Variants in SLC16A8 observed in about 807,000 individuals in gnomAD.
The protein encoded by SLC16A8 is monocarboxylate transporter 3.
A neutral mutation model predicts 22.4 loss-of-function variants in SLC16A8; 20 were observed. That is an observed-to-expected ratio of 0.89 (90% CI 0.63 to 1.30). SLC16A8 has a LOEUF of 1.30. SLC16A8 is among the 50% of genes most tolerant of loss of function. The probability of loss-of-function intolerance (pLI) is 0.00; values close to 1 mark genes in which losing one functional copy is unlikely to be tolerated. For synonymous variants in SLC16A8, 393 were observed against 358.8 expected (o/e 1.10, Z -1.08); for missense variants, 817 against 740.3 (o/e 1.10, Z -1.20).
chr22:38,083,707 C>T (rs1250100510), intron 1 of SLC16A8, among the ~76,000 whole-genome samples: 2 of 129,668 alleles, frequency 1.5e-5, no homozygotes, highest in East Asian at 2.1e-4. Context: ...CACCCGGGGC[C>T]CTCACAGCAG....
chr22:38,080,952 C>T lies in SLC16A8; in HGVS notation c.1086G>A (p.Ala362=), dbSNP rs1300904216. Residue 362 remains alanine, a synonymous_variant, in exon 5 of 6, where the codon GCG becomes GCA. Transcript: ENST00000681075. ...CCGCCATGAGCACCTCGAACTGCAG[C>T]GCGCCCACCATGCCGTAGGAGAGGC... The part of the protein sequence containing the change: ...AFGLSYGMVG[A]LQFEVLMAAV... 1.2e-5 allele frequency: 19 copies of T among 1,590,530 alleles called. No individual in the cohort carries two copies. Among genetic ancestry groups the T allele is most frequent in the Non-Finnish European group, 1.4e-5 (17 of 1,174,148 alleles).
In SLC16A8 at chr22:38,078,262, C is replaced by T. The variant is rs1249510597; in HGVS notation, c.*126G>A. ...GGCAGTTCCCAGACACCCAGGGGAT[C>T]AACTGGAGCCCAGACGTGGACCCCG... On this transcript the variant is annotated 3_prime_UTR_variant, in exon 6 of 6. Transcript: ENST00000681075. 4 of 886,040 alleles carry T rather than the reference C, an allele frequency of 4.5e-6. No homozygotes were observed. Among genetic ancestry groups the T allele is most frequent in the Non-Finnish European group, 6.9e-6 (4 of 576,174 alleles). 54.9% of individuals were successfully genotyped at this position (886,040 alleles called of 1,614,324 possible). A position where few individuals can be genotyped will look rare whatever the true frequency, so the allele number is the denominator to read the frequency against.
intron 5 of SLC16A8, 84 bp from the exon 6 acceptor site, chr22:38,078,788 GT>G: frequency 7.8e-7 from 1 of 1,282,474 alleles, no homozygotes; most frequent in Non-Finnish European, 1.1e-6. Flanking sequence ...GTCAAGGGTG[GT>G]GCCACTGACT....
intron 3 of SLC16A8, 108 bp downstream of exon 3, chr22:38,082,552 C>A: frequency 1.1e-6 from 1 of 950,040 alleles, no homozygotes; most frequent in Non-Finnish European, 1.5e-6. Context: ...CAGGAAGGGA[C>A]TTCGGGGGCC....
Position 38,082,784 on chromosome 22 carries a change from G to A in SLC16A8, c.90C>T (p.Gly30=). 6.3e-7 allele frequency: 1 copy of A among 1,596,832 alleles called. No homozygotes were observed. Among genetic ancestry groups the A allele is most frequent in the Non-Finnish European group, 8.5e-7 (1 of 1,174,962 alleles). ...CGGCTTTGGGGAAGCCGTAGGCGAAGCCGGTGACCACAAAGCAGGCGCCCA... is the reference window on the plus strand; with the variant it reads ...CGGCTTTGGGGAAGCCGTAGGCGAAACCGGTGACCACAAAGCAGGCGCCCA... ...VVLGACFVVT[G]FAYGFPKAVS... is the part of the protein sequence containing the mutation. The change falls in exon 3 of 6, where the codon GGC becomes GGT. Residue 30 remains glycine, a synonymous_variant. Coordinates refer to ENST00000681075, the MANE Select transcript of SLC16A8 (RefSeq NM_013356.3).
Position 38,082,811 on chromosome 22 carries a change from C to T in SLC16A8, c.63G>A (p.Val21=), listed in dbSNP as rs765438657. Residue 21 remains valine, a synonymous_variant, in exon 3 of 6, where the codon GTG becomes GTA. Coordinates refer to ENST00000681075, the MANE Select transcript of SLC16A8 (RefSeq NM_013356.3). ...CGGTGACCACAAAGCAGGCGCCCAG[C>T]ACCACCCAGCCCCAGCCGCCGTCTG... is the stretch of plus-strand genomic sequence containing the variant. ...GPPDGGWGWV[V]LGACFVVTGF... The T allele has an allele frequency of 6.3e-7, 1 of 1,589,196 alleles. No individual in the cohort carries two copies. The highest frequency in any genetic ancestry group is 1.8e-5 in the Admixed American group (1 of 56,070).
chr22:38,081,367 C>G lies in SLC16A8; in HGVS notation c.671G>C (p.Gly224Ala). The part of the protein sequence containing the change: ...GDAPGEAEAD[G>A]AGLQLREASP... ...TGCCTCGCGCAGCTGCAGCCCCGCA[C>G]CGTCAGCCTCCGCCTCGCCCGGAGC... is the stretch of plus-strand genomic sequence containing the variant. The change falls in exon 5 of 6, where the codon GGT becomes GCT. Residue 224 changes from glycine (G) to alanine (A), a missense_variant. Transcript: ENST00000681075. The G allele has an allele frequency of 2.8e-6, 4 of 1,429,318 alleles. No individual in the cohort carries two copies. Among genetic ancestry groups the G allele is most frequent in the Non-Finnish European group, 3.7e-6 (4 of 1,095,638 alleles). 88.5% of individuals were successfully genotyped at this position (1,429,318 alleles called of 1,614,324 possible).
In SLC16A8 at chr22:38,080,882, G is replaced by A. The variant is rs758613374; in HGVS notation, c.1156C>T (p.Leu386Phe). The change falls in exon 5 of 6, where the codon CTC becomes TTC. Residue 386 changes from leucine to phenylalanine, a missense_variant. Leu to Phe is a conservative substitution (Grantham distance 22). Transcript: ENST00000681075. ...RFPSALGLVLLVEAAAVLIGP... is the reference protein window; with the variant it reads ...RFPSALGLVLFVEAAAVLIGP... ...ATGAGCACAGCCGCGGCCTCCACGA[G>A]CAACACCAGGCCCAGCGCACTGGGG... 1 of 1,552,942 alleles carries A rather than the reference G, an allele frequency of 6.4e-7. No homozygotes were observed. The highest frequency in any genetic ancestry group is 1.2e-5 in the South Asian group (1 of 85,086).
rs758378855 is a variant in SLC16A8, at chr22:38,078,435, C to T, written c.1468G>A (p.Glu490Lys). The stretch of plus-strand genomic sequence containing the variant: ...CTCGGCCTCGCCTCTATTTCTGGTT[C>T]TGTGGGCTCGCCCCGGGCGCTGAGC... ...EVLSARGEPT[E>K]PEIEARPRLA... The change falls in exon 6 of 6, where the codon GAA (glutamate) becomes AAA (lysine). Residue 490 changes from glutamate to lysine, a missense_variant. Glu to Lys is a moderately conservative substitution (Grantham distance 56). Coordinates refer to ENST00000681075, the MANE Select transcript of SLC16A8 (RefSeq NM_013356.3). The T allele has an allele frequency of 2.5e-6, 4 of 1,611,196 alleles. No homozygotes were observed. The South Asian group carries it at 3.3e-5, about 13-fold the overall frequency.
At chr22:38,079,414 G>T (rs1029214253) in intron 5 of SLC16A8, among the ~76,000 whole-genome samples, 27 of 151,980 alleles carry the variant, frequency 1.8e-4, no homozygotes, top group African/African-American at 6.5e-4. Context: ...ACTGCACCTG[G>T]CTTCAGGAAT....
rs1269330265 is a variant in SLC16A8 at position 38,080,963 on chromosome 22, T to C, written c.1075A>G (p.Met359Val). Residue 359 changes from methionine to valine, a missense_variant, in exon 5 of 6, where the codon ATG (methionine) becomes GTG (valine). Physicochemically the swap from Met to Val is conservative, Grantham distance 21 (BLOSUM62 1). Coordinates refer to ENST00000681075, the MANE Select transcript of SLC16A8 (RefSeq NM_013356.3). Reference protein sequence around the residue: ...FCVAFGLSYGMVGALQFEVLM... With the variant: ...FCVAFGLSYGVVGALQFEVLM... Reference sequence around the variant, plus strand: ...ACCTCGAACTGCAGCGCGCCCACCATGCCGTAGGAGAGGCCGAAGGCGACG... The same window carrying C: ...ACCTCGAACTGCAGCGCGCCCACCACGCCGTAGGAGAGGCCGAAGGCGACG... The C allele has an allele frequency of 5.0e-6, 8 of 1,595,620 alleles. No individual in the cohort carries two copies. The highest frequency in any genetic ancestry group is 3.4e-5 in the Admixed American group (2 of 58,258).
rs777824611 is a variant in SLC16A8, at chr22:38,084,102, C to G, written c.-443G>C. On this transcript the variant is annotated 5_prime_UTR_variant, in exon 1 of 6. Coordinates refer to ENST00000681075, the MANE Select transcript of SLC16A8 (RefSeq NM_013356.3). ...ACCCGGATGGGGGCTGCCAGACACC[C>G]CAGCTTCCCACCAGCCTGGGCTGAG... 1 of 152,530 alleles carries G rather than the reference C, an allele frequency of 6.6e-6. No homozygotes were observed. Among genetic ancestry groups the G allele is most frequent in the Non-Finnish European group, 1.5e-5 (1 of 68,330 alleles). The allele number at this position is 152,530 out of a possible 1,614,324, so 9.4% of individuals were successfully genotyped here. A position where few individuals can be genotyped will look rare whatever the true frequency, so the allele number is the denominator to read the frequency against.
In SLC16A8 at chr22:38,082,700, G is replaced by A. The variant is rs1423460100; in HGVS notation, c.174C>T (p.Ala58=). The A allele has an allele frequency of 6.3e-7, 1 of 1,590,110 alleles. No homozygotes were observed. The highest frequency in any genetic ancestry group is 1.8e-5 in the Admixed American group (1 of 56,368). ...RDFDAGYSDT[A]WVSSIMLAML... ...TGGCTAGCATGATGGAGGACACCCA[G>A]GCCGTGTCGCTGTAGCCGGCGTCGA... The change falls in exon 3 of 6, where the codon GCC becomes GCT. Residue 58 remains alanine, a synonymous_variant. Coordinates refer to ENST00000681075, the MANE Select transcript of SLC16A8 (RefSeq NM_013356.3).
At position 38,081,188 on chromosome 22, in the gene SLC16A8, G is replaced by A. The variant is rs865913368; in HGVS notation, c.850C>T (p.Pro284Ser). 1.3e-6 allele frequency: 2 copies of A among 1,556,438 alleles called. No individual in the cohort carries two copies. The highest frequency in any genetic ancestry group is 1.2e-5 in the South Asian group (1 of 84,724). ...LVNYAKDAGV[P>S]DTDAAFLLSI... ...AGCAGGAAGGCGGCGTCGGTGTCGG[G>A]CACGCCCGCGTCCTTGGCGTAGTTC... The change falls in exon 5 of 6, where the codon CCC becomes TCC. Residue 284 changes from proline (P) to serine (S), a missense_variant. Transcript: ENST00000681075.
In SLC16A8 at chr22:38,078,719, G is replaced by A; in HGVS notation, c.1199-15C>T. ...CACCAGGCGGCCTGGGGAGGAGGAG[G>A]AAGAGGAGGGAGAGGTAAGGTCCTG... On this transcript the variant is annotated splice_polypyrimidine_tract_variant and intron_variant, in intron 5 of 5. Transcript: ENST00000681075. The A allele has an allele frequency of 6.3e-7, 1 of 1,598,398 alleles. No homozygotes were observed. The highest frequency in any genetic ancestry group is 8.6e-7 in the Non-Finnish European group (1 of 1,167,988).
At position 38,083,184 on chromosome 22, in the gene SLC16A8, A is replaced by G. The variant is rs139768323; in HGVS notation, c.-151T>C. ...TCAGGTGGAAGGCGTCGGGAAGTGG[A>G]GCAGGTATGTGCCTGGAGGTGGGCG... On this transcript the variant is annotated 5_prime_UTR_variant, in exon 2 of 6. Coordinates refer to ENST00000681075, the MANE Select transcript of SLC16A8 (RefSeq NM_013356.3). 367 of 411,734 alleles carry G rather than the reference A, an allele frequency of 8.9e-4. 2 individuals carry two copies. Among genetic ancestry groups the G allele is most frequent in the Middle Eastern group, 4.0e-3 (6 of 1,504 alleles). The allele number at this position is 411,734 out of a possible 1,614,324, so 25.5% of individuals were successfully genotyped here.
In SLC16A8 at chr22:38,078,398, T is replaced by C. The variant is rs762176619; in HGVS notation, c.1505A>G (p.Glu502Gly). 6.3e-7 allele frequency: 1 copy of C among 1,599,412 alleles called. No homozygotes were observed. The highest frequency in any genetic ancestry group is 1.7e-4 in the Middle Eastern group (1 of 5,850). Residue 502 changes from glutamate (E) to glycine (G), a missense_variant, in exon 6 of 6, where the codon GAG becomes GGG. By Grantham distance (98) the Glu-to-Gly change is moderately conservative (BLOSUM62 -2). Transcript: ENST00000681075. ...CCAGAGCACCCTGAGTTATACAGAC[T>C]CGGCAGCCAGCCTCGGCCTCGCCTC... ...EIEARPRLAAESV is the reference protein window; with the variant it reads ...EIEARPRLAAGSV
In SLC16A8 at chr22:38,082,196, G is replaced by A. The variant is rs112879934; in HGVS notation, c.215-164C>T. Among the ~76,000 whole-genome samples the A allele has an allele frequency of 7.1e-3, 1,077 of 152,314 alleles. 9 individuals are homozygous for A. The highest frequency in any genetic ancestry group is 0.024 in the African/African-American group (1,004 of 41,582). ...AGAGACAGCATCCTGCGAGGGCAAG[G>A]CCCAGAGCACCCCATCCTGCGAACC... On this transcript the variant is annotated intron_variant, in intron 3 of 5. Transcript: ENST00000681075.
At chr22:38,078,774 T>A in intron 5 of SLC16A8, 70 bp from the exon 6 acceptor site, 3 of 1,427,944 alleles carry the variant, frequency 2.1e-6, no homozygotes, top group South Asian at 1.3e-5. Flanking sequence ...TCCTGCACTC[T>A]CAGGTCAAGG....
Sources: allele counts gnomAD v4.1 joint callset (sites outside exome capture counted in the v4.1 genomes callset), GRCh38; gene constraint gnomAD v4.1.1; transcripts MANE v1.5; gene names NCBI Gene and HGNC (gene_info 2026-07-23, HGNC 2026-07-21).